The following RPRD2 variants were observed in gnomAD, a reference collection of about 807,000 sequenced individuals.
RPRD2 encodes regulation of nuclear pre-mRNA domain containing 2.
Under a neutral mutation model 104.4 loss-of-function variants are expected in RPRD2, and 12 were observed. The ratio of observed to expected loss-of-function variants is 0.11; its 90% CI spans 0.07 to 0.19. RPRD2 has a LOEUF of 0.19. Ranked by LOEUF, RPRD2 falls within the 10% of genes least tolerant of loss-of-function variation. RPRD2 has a pLI of 1.00. For missense variants in RPRD2, 1,543 were observed against 1,790.1 expected, an observed-to-expected ratio of 0.86 and a Z score of 2.49; for synonymous variants, 714 against 684.9, an observed-to-expected ratio of 1.04 and a Z score of -0.66.
chr1:150,463,650 G>A (rs782647143), intron 9 of RPRD2, among the ~76,000 whole-genome samples: 2 of 152,090 alleles, frequency 1.3e-5, no homozygotes, highest in Non-Finnish European at 2.9e-5. Flanking sequence ...TCAACCCAGT[G>A]TTTTTAAATG....
chr1:150,407,411 T>A (rs1368339274), intron 1 of RPRD2, among the ~76,000 whole-genome samples: 2 of 152,220 alleles, frequency 1.3e-5, no homozygotes, highest in African/African-American at 4.8e-5. Flanking sequence ...GAAATAAAAT[T>A]ATAACATTTA....
chr1:150,415,537 A>G (rs61817542), intron 1 of RPRD2, among the ~76,000 whole-genome samples: 1 of 144,206 alleles, frequency 6.9e-6, no homozygotes, highest in African/African-American at 2.6e-5. Flanking sequence ...ACAAAAAAAA[A>G]TTAGCCAGGC....
At position 150,475,287 on chromosome 1, in the gene RPRD2, T is replaced by C. The variant is rs1668836737; in HGVS notation, c.*1953T>C. The C allele has an allele frequency of 6.6e-6, 1 of 151,888 alleles. No homozygotes were observed. Among genetic ancestry groups the C allele is most frequent in the Non-Finnish European group, 1.5e-5 (1 of 68,036 alleles). 9.4% of individuals were successfully genotyped at this position (151,888 alleles called of 1,614,324 possible). On this transcript the variant is annotated 3_prime_UTR_variant, in exon 11 of 11. Transcript: ENST00000369068. ...GGGAAATGATATTTGACTTTCAAAA[T>C]TGAAATAGGTTTTTTTTTTGCAGAA...
intron 2 of RPRD2, among the ~76,000 whole-genome samples, chr1:150,438,475 C>A (rs905937561): frequency 5.3e-5 from 8 of 151,616 alleles, no homozygotes; most frequent in Middle Eastern, 3.2e-3. Context: ...AAAAAAAATA[C>A]AAAATTAGCT....
At chr1:150,400,688 A>G (rs1662914939) in intron 1 of RPRD2, among the ~76,000 whole-genome samples, 1 of 151,526 alleles carries the variant, frequency 6.6e-6, no homozygotes. Context: ...AGGAAGGGTG[A>G]GGGTGAACAT....
intron 1 of RPRD2, among the ~76,000 whole-genome samples, chr1:150,415,223 T>C (rs758342154): frequency 2.6e-5 from 4 of 151,728 alleles, no homozygotes; most frequent in Admixed American, 2.0e-4. Context: ...CCCAGCTACT[T>C]CGGGAGGCTA....
chr1:150,407,761 G>T (rs1410956837), intron 1 of RPRD2, among the ~76,000 whole-genome samples: 2 of 152,104 alleles, frequency 1.3e-5, no homozygotes, highest in East Asian at 3.8e-4. Context: ...TTTGAAAAAA[G>T]ATGTTGTTTT....
chr1:150,406,545 T>C (rs1324619804), intron 1 of RPRD2, among the ~76,000 whole-genome samples: 2 of 152,112 alleles, frequency 1.3e-5, no homozygotes, highest in African/African-American at 2.4e-5. Context: ...TAGCTGAGAT[T>C]ACAGGCATTT....
intron 1 of RPRD2, chr1:150,408,761 C>T (rs587675453): frequency 6.6e-6 from 1 of 152,316 alleles, no homozygotes; most frequent in South Asian, 2.1e-4. Context: ...TCCCCTGTTA[C>T]TATTCTTTAG....
rs1384754202 is a variant in RPRD2, at chr1:150,444,329, A to G, written c.646A>G (p.Thr216Ala). Residue 216 changes from threonine (T) to alanine (A), a missense_variant, in exon 6 of 11, where the codon ACT becomes GCT. Physicochemically the swap from Thr to Ala is moderately conservative, Grantham distance 58. Transcript: ENST00000369068. ...AGAACTGAAGGAAAAGCAGTTGTCA[A>G]CTATGAGGGTGGATGTGTGCAGCAC... ...QIELKEKQLS[T>A]MRVDVCSTET... is the part of the protein sequence containing the mutation. 3 of 1,613,936 alleles carry G rather than the reference A, an allele frequency of 1.9e-6. No individual in the cohort carries two copies. Among genetic ancestry groups the G allele is most frequent in the Non-Finnish European group, 2.5e-6 (3 of 1,179,834 alleles).
intron 2 of RPRD2, among the ~76,000 whole-genome samples, chr1:150,421,414 G>A (rs186951211): frequency 2.0e-5 from 3 of 152,048 alleles, no homozygotes; most frequent in Non-Finnish European, 4.4e-5. Flanking sequence ...AAAAGATTTG[G>A]TATTGTTAAA....
intron 2 of RPRD2, among the ~76,000 whole-genome samples, chr1:150,429,997 C>T (rs1553891317): frequency 6.6e-6 from 1 of 152,200 alleles, no homozygotes; most frequent in African/African-American, 2.4e-5. Flanking sequence ...GTGTAATTAG[C>T]TCCCCCTGGC....
chr1:150,462,302 A>T (rs973005703), intron 9 of RPRD2, among the ~76,000 whole-genome samples: 1 of 151,872 alleles, frequency 6.6e-6, no homozygotes, highest in Non-Finnish European at 1.5e-5. Context: ...AAAATTCGCC[A>T]GCTGTGGTGG....
intron 7 of RPRD2, among the ~76,000 whole-genome samples, chr1:150,447,334 C>CTT (rs34565214): frequency 6.6e-5 from 9 of 136,146 alleles, no homozygotes; most frequent in Non-Finnish European, 9.5e-5. Flanking sequence ...AATTAAGGAA[C>CTT]TTTTTTTTTT....
chr1:150,419,881 G>A (rs1281053646), intron 2 of RPRD2, among the ~76,000 whole-genome samples: 3 of 152,140 alleles, frequency 2.0e-5, no homozygotes, highest in Admixed American at 1.3e-4. Flanking sequence ...GCCTGCCTCC[G>A]CCTCCCAAAG....
intron 1 of RPRD2, among the ~76,000 whole-genome samples, chr1:150,405,273 G>T (rs1334819363): frequency 6.6e-6 from 1 of 152,144 alleles, no homozygotes; most frequent in African/African-American, 2.4e-5. Context: ...ATACTACTCA[G>T]ATTTTTAATT....
In RPRD2 at chr1:150,471,619, C is replaced by T. The variant is rs1256466926; in HGVS notation, c.2671C>T (p.Pro891Ser). The T allele has an allele frequency of 6.2e-7, 1 of 1,613,766 alleles. No individual in the cohort carries two copies. The highest frequency in any genetic ancestry group is 8.5e-7 in the Non-Finnish European group (1 of 1,179,876). The stretch of plus-strand genomic sequence containing the variant: ...ATTTGGGGTAAAGTCTGCCTTCCCT[C>T]CATCTGTAAGGGCCCTCCTGGACTC... Reference protein sequence around the residue: ...QEFGVKSAFPPSVRALLDSSE... With the variant: ...QEFGVKSAFPSSVRALLDSSE... Residue 891 changes from proline to serine, a missense_variant, in exon 11 of 11, where the codon CCA (proline) becomes TCA (serine). By Grantham distance (74) the Pro-to-Ser change is moderately conservative (BLOSUM62 -1). Transcript: ENST00000369068. This position sits in a 1 kb window ranked among gnomAD's most constrained non-coding sequence, Gnocchi z 5.3.
chr1:150,383,260 G>A (rs1238634903), intron 1 of RPRD2, among the ~76,000 whole-genome samples: 1 of 151,058 alleles, frequency 6.6e-6, no homozygotes, highest in Non-Finnish European at 1.5e-5. Context: ...CTCCCAAAGT[G>A]CTAGGATTAC....
At chr1:150,446,439 G>C (rs781855369) in intron 7 of RPRD2, 38 bp downstream of exon 7, 3 of 1,462,574 alleles carry the variant, frequency 2.1e-6, no homozygotes, top group Non-Finnish European at 2.8e-6. Flanking sequence ...CTGAATGCTT[G>C]TTACTATATT....
Sources: gnomAD v4.1 joint callset for allele counts (sites outside exome capture counted in the v4.1 genomes callset) on GRCh38, gnomAD v4.1.1 for gene constraint, Gnocchi (gnomAD v3.1) non-coding constraint, MANE v1.5 for transcripts, NCBI Gene and HGNC (gene_info 2026-07-23, HGNC 2026-07-21) for gene names.